Variants in PLOD3 observed in about 807,000 individuals in gnomAD.
PLOD3 encodes the protein procollagen-lysine,2-oxoglutarate 5-dioxygenase 3, also known as multifunctional procollagen lysine hydroxylase and glycosyltransferase LH3.
In PLOD3, 73 loss-of-function variants were observed where a neutral mutation model predicts 96.9. The ratio of observed to expected loss-of-function variants is 0.75; its 90% CI spans 0.62 to 0.92. PLOD3 has a LOEUF of 0.92. PLOD3 is among the 40% of genes least tolerant of loss of function. The pLI is 0.00. For missense variants in PLOD3, 1,004 were observed against 1,004.3 expected (o/e 1.00, Z 0.00); for synonymous variants, 454 against 413.7 (o/e 1.10, Z -1.18).
In PLOD3 at chr7:101,217,215, AG is replaced by A; in HGVS notation, c.59del (p.Pro20LeufsTer22). On this transcript the variant is annotated frameshift_variant, in exon 1 of 19. Coordinates refer to ENST00000223127, the MANE Select transcript of PLOD3 (RefSeq NM_001084.5). LOFTEE classifies it high-confidence loss of function. ...FLLLLPLLLP[P>X]AASASDRPRG... is the part of the protein sequence containing the mutation. Reference sequence around the variant, plus strand: ...GGGGCCGGTCGGAGGCTGAGGCCGCAGGGGGCAGCAGCAGCGGCAGCAGCAG... The same window carrying A: ...GGGGCCGGTCGGAGGCTGAGGCCGCAGGGGCAGCAGCAGCGGCAGCAGCAG... 1.3e-6 allele frequency: 2 copies of A among 1,496,712 alleles called. No homozygotes were observed. Among genetic ancestry groups the A allele is most frequent in the Non-Finnish European group, 1.8e-6 (2 of 1,124,454 alleles). 92.7% of individuals were successfully genotyped at this position (1,496,712 alleles called of 1,614,324 possible).
At chr7:101,210,061 AG>A in intron 15 of PLOD3, 31 bp downstream of exon 15, 1 of 991,696 alleles carries the variant, frequency 1.0e-6, no homozygotes, top group Non-Finnish European at 1.4e-6. Context: ...CCATGAGGGC[AG>A]GGGGTGGGTG....
At chr7:101,208,978 A>G in intron 15 of PLOD3, 21 bp from the exon 16 acceptor site, 1 of 1,551,222 alleles carries the variant, frequency 6.4e-7, no homozygotes, top group East Asian at 2.2e-5. Flanking sequence ...GGCGAGGGAG[A>G]ACAGGGCTAG....
At position 101,205,992 on chromosome 7, in the gene PLOD3, T is replaced by C; in HGVS notation, c.*289A>G. ...ACCAATGGACTCAAGACTTACAAAC[T>C]GTCCTTTATTCAGAGTGAGACTGCG... On this transcript the variant is annotated 3_prime_UTR_variant, in exon 19 of 19. Transcript: ENST00000223127. The C allele has an allele frequency of 1.9e-6, 1 of 517,384 alleles. No individual in the cohort carries two copies. The allele number at this position is 517,384 out of a possible 1,614,324, so 32.0% of individuals were successfully genotyped here.
At chr7:101,215,299 T>C (rs1798250284) in intron 5 of PLOD3, 147 bp from the exon 6 acceptor site, 3 of 723,966 alleles carry the variant, frequency 4.1e-6, no homozygotes, top group Non-Finnish European at 5.1e-6. Context: ...CTGCAACCTC[T>C]GCCTCCCGGT....
chr7:101,213,405 G>A lies in PLOD3; in HGVS notation c.680-201C>T, dbSNP rs370934885. The A allele has an allele frequency of 1.4e-4, 90 of 631,888 alleles. No homozygotes were observed. The East Asian group carries it at 1.5e-3, about 11-fold the overall frequency. 39.1% of individuals were successfully genotyped at this position (631,888 alleles called of 1,614,324 possible). A position where few individuals can be genotyped will look rare whatever the true frequency, so the allele number is the denominator to read the frequency against. ...GAGAGCTCCACTGCCTACTACCTGC[G>A]TGATCACACCGCAGCTGGGCGAGGA... On this transcript the variant is annotated intron_variant, in intron 6 of 18. Transcript: ENST00000223127.
At position 101,212,522 on chromosome 7, in the gene PLOD3, A is replaced by ACTCCT. The variant is rs757990710; in HGVS notation, c.1005+7_1005+8insAGGAG. On this transcript the variant is annotated splice_region_variant and intron_variant, in intron 9 of 18. Transcript: ENST00000223127. ...CCCTCAGGAGAGGCTCCAACAGGGG[A>ACTCCT]GTCTCACGTTGTTGTGCAGGAAAAG... 3.7e-6 allele frequency: 6 copies of ACTCCT among 1,613,080 alleles called. No homozygotes were observed. In the South Asian group the frequency reaches 6.6e-5, roughly 18 times the overall value.
In PLOD3 at chr7:101,210,355, G is replaced by C; in HGVS notation, c.1590C>G (p.Leu530=). The C allele has an allele frequency of 6.2e-7, 1 of 1,614,170 alleles. No individual in the cohort carries two copies. Reference sequence around the variant, plus strand: ...CGACGGGGTTGTCGAAGATCTGCCAGAGGTCGGGGTGCAGGTGCTCCGTGT... The same window carrying C: ...CGACGGGGTTGTCGAAGATCTGCCACAGGTCGGGGTGCAGGTGCTCCGTGT... ...RYDTEHLHPD[L]WQIFDNPVDW... The change falls in exon 14 of 19, where the codon CTC becomes CTG. Residue 530 remains leucine (L), a synonymous_variant. Coordinates refer to ENST00000223127, the MANE Select transcript of PLOD3 (RefSeq NM_001084.5).
In PLOD3 at chr7:101,217,323, C is replaced by T. The variant is rs750856824; in HGVS notation, c.-49G>A. On this transcript the variant is annotated 5_prime_UTR_variant, in exon 1 of 19. Coordinates refer to ENST00000223127, the MANE Select transcript of PLOD3 (RefSeq NM_001084.5). ...ACCCAGGATCCTGGGATCTCCGCTACGCGCCTGGATCCCAGCTCCGGAGGG... is the reference window on the plus strand; with the variant it reads ...ACCCAGGATCCTGGGATCTCCGCTATGCGCCTGGATCCCAGCTCCGGAGGG... 6.9e-5 allele frequency: 94 copies of T among 1,358,464 alleles called. No homozygotes were observed. The highest frequency in any genetic ancestry group is 8.4e-5 in the Non-Finnish European group (89 of 1,054,214). The allele number at this position is 1,358,464 out of a possible 1,614,324, so 84.2% of individuals were successfully genotyped here. A position where few individuals can be genotyped will look rare whatever the true frequency, so the allele number is the denominator to read the frequency against.
chr7:101,208,945 C>A lies in PLOD3; in HGVS notation c.1696G>T (p.Val566Leu). 2 of 1,612,808 alleles carry A rather than the reference C, an allele frequency of 1.2e-6. No individual in the cohort carries two copies. Among genetic ancestry groups the A allele is most frequent in the Admixed American group, 3.3e-5 (2 of 59,994 alleles). ...TCTGACAGCAGTGGGAACCAGTACA[C>A]GTCCGGGCATGGCTGAGGATGGGGC... ...EGIVEQPCPD[V>L]YWFPLLSEQM... Residue 566 changes from valine (V) to leucine (L), a missense_variant, in exon 16 of 19, where the codon GTG (valine) becomes TTG (leucine). By Grantham distance (32) the Val-to-Leu change is conservative. This residue lies in a region of PLOD3 where 65 missense variants were observed against 68.8 expected (regional missense o/e 0.94). Transcript: ENST00000223127.
chr7:101,216,809 C>T (rs780083055), intron 1 of PLOD3, 23 bp from the exon 2 acceptor site: 1 of 1,549,382 alleles, frequency 6.5e-7, no homozygotes, highest in Non-Finnish European at 8.9e-7. Context: ...GGAAATGGCA[C>T]TTGAGATCCA....
In PLOD3 at chr7:101,216,124, C is replaced by G. The variant is rs377426509; in HGVS notation, c.502+39G>C. ...GCGCCTTTAACACTCTGTGTCCCAC[C>G]GCTCTTGGCCCCTCTGCCTTGGGCA... is the stretch of plus-strand genomic sequence containing the variant. On this transcript the variant is annotated intron_variant, in intron 4 of 18. Coordinates refer to ENST00000223127, the MANE Select transcript of PLOD3 (RefSeq NM_001084.5). 6.8e-6 allele frequency: 11 copies of G among 1,613,540 alleles called. No homozygotes were observed. The Admixed American group carries it at 1.2e-4, about 17-fold the overall frequency.
In PLOD3 at chr7:101,206,167, A is replaced by G. The variant is rs754941717; in HGVS notation, c.*114T>C. ...GACATATTCAGTTCAGGCACGCGGA[A>G]CATGAACTCAGGAAGTGGGGAGACA... On this transcript the variant is annotated 3_prime_UTR_variant, in exon 19 of 19. Transcript: ENST00000223127. 17 of 1,085,808 alleles carry G rather than the reference A, an allele frequency of 1.6e-5. No individual in the cohort carries two copies. Among genetic ancestry groups the G allele is most frequent in the Non-Finnish European group, 2.4e-5 (17 of 700,620 alleles). 67.3% of individuals were successfully genotyped at this position (1,085,808 alleles called of 1,614,324 possible). A position where few individuals can be genotyped will look rare whatever the true frequency, so the allele number is the denominator to read the frequency against.
intron 10 of PLOD3, 54 bp downstream of exon 10, chr7:101,212,199 C>A: frequency 6.2e-7 from 1 of 1,602,008 alleles, no homozygotes; most frequent in Non-Finnish European, 8.5e-7. Context: ...GGTGGCAGCA[C>A]CCCTGACCCT....
chr7:101,209,794 G>T, intron 15 of PLOD3: 1 of 324,446 alleles, frequency 3.1e-6, no homozygotes, highest in Non-Finnish European at 5.6e-6. Flanking sequence ...ACCCACCTTG[G>T]CCTCCCAAAG....
Position 101,217,329 on chromosome 7 carries a change from T to C in PLOD3, c.-55A>G, listed in dbSNP as rs1199431420. On this transcript the variant is annotated 5_prime_UTR_variant, in exon 1 of 19. Coordinates refer to ENST00000223127, the MANE Select transcript of PLOD3 (RefSeq NM_001084.5). The stretch of plus-strand genomic sequence containing the variant: ...GATCCTGGGATCTCCGCTACGCGCC[T>C]GGATCCCAGCTCCGGAGGGGAGCTC... 5 of 1,347,960 alleles carry C rather than the reference T, an allele frequency of 3.7e-6. No homozygotes were observed. The African/African-American group carries it at 6.1e-5, about 17-fold the overall frequency. 83.5% of individuals were successfully genotyped at this position (1,347,960 alleles called of 1,614,324 possible). A position where few individuals can be genotyped will look rare whatever the true frequency, so the allele number is the denominator to read the frequency against.
chr7:101,210,754 CTCA>C, intron 12 of PLOD3, 81 bp from the exon 13 acceptor site: 1 of 1,523,364 alleles, frequency 6.6e-7, no homozygotes, highest in Non-Finnish European at 9.0e-7. Flanking sequence ...TCCTTCTTCC[CTCA>C]GGGTATCCCA....
chr7:101,206,642 G>A, intron 18 of PLOD3, 137 bp downstream of exon 18: 2 of 1,131,824 alleles, frequency 1.8e-6, no homozygotes, highest in East Asian at 2.6e-5. Flanking sequence ...CTGCCCAGAA[G>A]CGATCCAGGA....
rs1418148379 is a variant in PLOD3, at chr7:101,217,213, G to A, written c.62C>T (p.Ala21Val). ...LLLLPLLLPP[A>V]ASASDRPRGR... ...CCGGGGCCGGTCGGAGGCTGAGGCC[G>A]CAGGGGGCAGCAGCAGCGGCAGCAG... Residue 21 changes from alanine to valine, a missense_variant, in exon 1 of 19, where the codon GCG (alanine) becomes GTG (valine). Physicochemically the swap from Ala to Val is moderately conservative, Grantham distance 64 (BLOSUM62 0). Transcript: ENST00000223127. 7 of 1,498,024 alleles carry A rather than the reference G, an allele frequency of 4.7e-6. No individual in the cohort carries two copies. The highest frequency in any genetic ancestry group is 1.3e-5 in the South Asian group (1 of 78,070). 92.8% of individuals were successfully genotyped at this position (1,498,024 alleles called of 1,614,324 possible). A position where few individuals can be genotyped will look rare whatever the true frequency, so the allele number is the denominator to read the frequency against.
chr7:101,214,258 C>T (rs1478566406), intron 6 of PLOD3, among the ~76,000 whole-genome samples: 1 of 151,900 alleles, frequency 6.6e-6, no homozygotes, highest in African/African-American at 2.4e-5. Flanking sequence ...TTCTGAATAG[C>T]TGGGATTACA....
Sources: gnomAD v4.1 joint callset for allele counts (sites outside exome capture counted in the v4.1 genomes callset) on GRCh38, gnomAD v4.1.1 for gene constraint, gnomAD v4.1.1 regional missense constraint, MANE v1.5 for transcripts, NCBI Gene and HGNC (gene_info 2026-07-23, HGNC 2026-07-21) for gene names.